Variants in C8orf34 observed in about 807,000 individuals in gnomAD.
The protein encoded by C8orf34 is chromosome 8 open reading frame 34, also known as uncharacterized protein C8orf34.
C8orf34 carries 65 observed loss-of-function variants against 68.3 expected under a neutral mutation model. The ratio of observed to expected loss-of-function variants is 0.95; its 90% CI spans 0.78 to 1.17. The LOEUF (loss-of-function observed/expected upper bound fraction) is 1.17, where lower values mean the gene tolerates loss of function less well. Ranked by LOEUF, C8orf34 falls within the 50% of genes most tolerant of loss-of-function variation. The pLI is 0.00. For synonymous variants in C8orf34, 244 were observed against 241.2 expected (o/e 1.01, Z -0.11); for missense variants, 664 against 655.4 (o/e 1.01, Z -0.14).
chr8:68,343,780 G>C (rs948194746), intron 1 of C8orf34, among the ~76,000 whole-genome samples: 3 of 152,070 alleles, frequency 2.0e-5, no homozygotes, highest in Non-Finnish European at 4.4e-5. Flanking sequence ...TTTTGGTAGA[G>C]ACAGGGTTTC....
intron 1 of C8orf34, among the ~76,000 whole-genome samples, chr8:68,336,981 T>G (rs192819766): frequency 6.6e-6 from 1 of 152,308 alleles, no homozygotes; most frequent in Admixed American, 6.5e-5. Flanking sequence ...ATGTGGAATG[T>G]GCTTAATTCA....
intron 1 of C8orf34, among the ~76,000 whole-genome samples, chr8:68,390,915 T>C (rs1403490985): frequency 6.6e-6 from 1 of 152,120 alleles, no homozygotes; most frequent in African/African-American, 2.4e-5. Context: ...TTCTTCTTCT[T>C]CAGGAAAGCT....
intron 6 of C8orf34, among the ~76,000 whole-genome samples, chr8:68,529,938 T>A (rs1448802128): frequency 6.6e-6 from 1 of 152,106 alleles, no homozygotes; most frequent in Non-Finnish European, 1.5e-5. Flanking sequence ...AGAATGTACA[T>A]ATAACATCTG....
At chr8:68,652,550 T>C (rs2130782716) in intron 8 of C8orf34, among the ~76,000 whole-genome samples, 1 of 152,332 alleles carries the variant, frequency 6.6e-6, no homozygotes, top group East Asian at 1.9e-4. Flanking sequence ...TTACCACTTA[T>C]ATTCAGTTCT....
chr8:68,630,515 T>C (rs1450449908), intron 7 of C8orf34, among the ~76,000 whole-genome samples: 1 of 152,234 alleles, frequency 6.6e-6, no homozygotes, highest in African/African-American at 2.4e-5. Flanking sequence ...ACATATACAC[T>C]ATATCCATGA....
At chr8:68,811,001 AC>A (rs930369130) in intron 12 of C8orf34, among the ~76,000 whole-genome samples, 59 of 152,102 alleles carry the variant, frequency 3.9e-4, no homozygotes, top group African/African-American at 1.3e-3. Context: ...TTTACTGGGG[AC>A]CCAGCACTTT....
In C8orf34 at chr8:68,359,476, T is replaced by C. The variant is rs577652432; in HGVS notation, c.327+28137T>C. On this transcript the variant is annotated intron_variant, in intron 1 of 13. Coordinates refer to ENST00000518698, the MANE Select transcript of C8orf34 (RefSeq NM_052958.4). ...CTTAATGGGGATTTCTGGCAGAGGG[T>C]GAGAGAAGAACCCTAATTGAAGAGA... Among the ~76,000 whole-genome samples the C allele has an allele frequency of 3.9e-5, 6 of 152,170 alleles. No homozygotes were observed. In the East Asian group the frequency reaches 1.2e-3, roughly 29 times the overall value.
At chr8:68,581,453 A>G (rs1817061341) in intron 7 of C8orf34, among the ~76,000 whole-genome samples, 1 of 152,068 alleles carries the variant, frequency 6.6e-6, no homozygotes. Flanking sequence ...AGAGTGAGTG[A>G]AAGGTGAGAG....
chr8:68,336,378 TG>T (rs1321011453), intron 1 of C8orf34, among the ~76,000 whole-genome samples: 1 of 151,904 alleles, frequency 6.6e-6, no homozygotes, highest in African/African-American at 2.4e-5. Context: ...ACGTACAAGG[TG>T]GGGGCAGGGT....
chr8:68,480,865 A>C (rs950820828), intron 4 of C8orf34, among the ~76,000 whole-genome samples: 2 of 152,192 alleles, frequency 1.3e-5, no homozygotes, highest in African/African-American at 4.8e-5. Context: ...AGGGGAGTAG[A>C]GCATAAAAGT....
At chr8:68,353,578 T>C (rs150876680) in intron 1 of C8orf34, among the ~76,000 whole-genome samples, 4,209 of 148,470 alleles carry the variant, frequency 0.028, 81 homozygotes, top group Middle Eastern at 0.061. Context: ...TATATATATA[T>C]ACACAGTTGA....
intron 8 of C8orf34, among the ~76,000 whole-genome samples, chr8:68,703,385 A>G (rs1821074010): frequency 6.6e-6 from 1 of 152,036 alleles, no homozygotes; most frequent in South Asian, 2.1e-4. Context: ...ATTCAATCAC[A>G]TTTACTATCT....
chr8:68,349,759 G>T (rs921683635), intron 1 of C8orf34, among the ~76,000 whole-genome samples: 5 of 151,462 alleles, frequency 3.3e-5, no homozygotes, highest in Non-Finnish European at 7.4e-5. Context: ...GAGTTTGTGT[G>T]TAATAGTTTC....
At chr8:68,594,235 C>T (rs566480401) in intron 7 of C8orf34, among the ~76,000 whole-genome samples, 1 of 151,786 alleles carries the variant, frequency 6.6e-6, no homozygotes, top group East Asian at 1.9e-4. Context: ...ATTTTTCGTC[C>T]CCTTGGCCCA....
chr8:68,622,356 G>A (rs1818412724), intron 7 of C8orf34, among the ~76,000 whole-genome samples: 1 of 152,108 alleles, frequency 6.6e-6, no homozygotes, highest in Admixed American at 6.6e-5. Flanking sequence ...AGGGATCATG[G>A]GGCCATGTTA....
chr8:68,462,744 A>G (rs3099430), intron 3 of C8orf34, among the ~76,000 whole-genome samples: 151,241 of 152,018 alleles, frequency 0.99, 75,257 homozygotes, highest in Middle Eastern at 1. Context: ...TGAAACCAAC[A>G]AGAACAAAGA....
chr8:68,521,041 C>A (rs552021325), intron 5 of C8orf34, among the ~76,000 whole-genome samples: 2 of 152,164 alleles, frequency 1.3e-5, no homozygotes, highest in East Asian at 3.9e-4. Flanking sequence ...TTGCCTGTAG[C>A]AAGTCTTAAT....
chr8:68,435,273 T>C (rs1395159572), intron 1 of C8orf34, among the ~76,000 whole-genome samples: 1 of 147,018 alleles, frequency 6.8e-6, no homozygotes, highest in East Asian at 1.9e-4. Context: ...TTTGGGAGTA[T>C]ATCACTAAGA....
chr8:68,641,727 G>C (rs904362129), intron 8 of C8orf34, among the ~76,000 whole-genome samples: 9 of 152,154 alleles, frequency 5.9e-5, no homozygotes, highest in African/African-American at 1.9e-4. Context: ...TTTCAAAACA[G>C]AAAGTTTATA....
Sources: allele counts gnomAD v4.1 joint callset (sites outside exome capture counted in the v4.1 genomes callset), GRCh38; gene constraint gnomAD v4.1.1; transcripts MANE v1.5; gene names NCBI Gene and HGNC (gene_info 2026-07-23, HGNC 2026-07-21).